Variants in GALNT13 observed in about 807,000 individuals in gnomAD.
GALNT13 encodes polypeptide N-acetylgalactosaminyltransferase 13, also known as UDP-GalNAc:polypeptide N-acetylgalactosaminyltransferase 13.
Under a neutral mutation model 64.2 loss-of-function variants are expected in GALNT13, and 28 were observed. The observed-to-expected ratio is 0.44, with a 90% confidence interval of 0.32 to 0.60. The LOEUF (loss-of-function observed/expected upper bound fraction) is 0.60. Among genes scored for constraint, GALNT13 ranks in the 20% least tolerant of loss-of-function variants. GALNT13 has a pLI of 0.05. For missense variants in GALNT13, 577 were observed against 669.8 expected, an observed-to-expected ratio of 0.86 and a Z score of 1.53; for synonymous variants, 214 against 224.6, an observed-to-expected ratio of 0.95 and a Z score of 0.42.
chr2:153,672,621 C>G, the GALNT13 span, among the ~76,000 whole-genome samples: 2 of 152,022 alleles, frequency 1.3e-5, no homozygotes, highest in South Asian at 4.2e-4. Context: ...AAATCAGCAC[C>G]CTAACATCAC....
At chr2:154,399,478 T>G (rs553479716) in intron 10 of GALNT13, among the ~76,000 whole-genome samples, 2 of 152,128 alleles carry the variant, frequency 1.3e-5, no homozygotes, top group Non-Finnish European at 2.9e-5. Context: ...GCAAATGATA[T>G]ATCCTCACAT....
chr2:153,269,804 C>T, the GALNT13 span, among the ~76,000 whole-genome samples: 1 of 152,094 alleles, frequency 6.6e-6, no homozygotes, highest in Non-Finnish European at 1.5e-5. Flanking sequence ...GAAACAAGTA[C>T]TTTCTTTACA....
chr2:153,120,663 G>A, the GALNT13 span, among the ~76,000 whole-genome samples: 1 of 152,102 alleles, frequency 6.6e-6, no homozygotes, highest in African/African-American at 2.4e-5. Flanking sequence ...CTGGAAATTA[G>A]TTTTTATCTT....
intron 9 of GALNT13, among the ~76,000 whole-genome samples, chr2:154,367,587 C>T (rs561580360): frequency 1.3e-5 from 2 of 152,196 alleles, no homozygotes; most frequent in South Asian, 2.1e-4. Context: ...TATAAAATAA[C>T]AATAGAATTG....
chr2:153,932,297 C>T (rs890372978), intron 2 of GALNT13, among the ~76,000 whole-genome samples: 2 of 151,646 alleles, frequency 1.3e-5, no homozygotes, highest in Non-Finnish European at 1.5e-5. Context: ...TAGTTTAGCT[C>T]TGTTTCTGGT....
the GALNT13 span, among the ~76,000 whole-genome samples, chr2:153,596,928 C>T: frequency 2.0e-5 from 3 of 151,894 alleles, no homozygotes; most frequent in East Asian, 1.9e-4. Flanking sequence ...GACTAAAAAA[C>T]AAATTGGGGT....
chr2:153,195,236 T>G, the GALNT13 span, among the ~76,000 whole-genome samples: 2 of 152,164 alleles, frequency 1.3e-5, no homozygotes, highest in Non-Finnish European at 2.9e-5. Context: ...TAAAAACCTC[T>G]GTGTCCCATG....
the GALNT13 span, among the ~76,000 whole-genome samples, chr2:153,455,198 ACTT>A: frequency 6.6e-6 from 1 of 152,168 alleles, no homozygotes; most frequent in Admixed American, 6.5e-5. Flanking sequence ...ATTCCAGTGA[ACTT>A]CTTCATATTA....
At chr2:153,967,786 G>A (rs1468369280) in intron 3 of GALNT13, among the ~76,000 whole-genome samples, 1 of 152,018 alleles carries the variant, frequency 6.6e-6, no homozygotes, top group Non-Finnish European at 1.5e-5. Flanking sequence ...AAGGCCCAAG[G>A]CTACTTTAGT....
chr2:153,851,986 C>T, the GALNT13 span, among the ~76,000 whole-genome samples: 3 of 151,940 alleles, frequency 2.0e-5, no homozygotes, highest in African/African-American at 7.3e-5. Context: ...GAAGGTGAGA[C>T]ATGATAAGTT....
intron 3 of GALNT13, among the ~76,000 whole-genome samples, chr2:153,969,012 A>G (rs1030800454): frequency 1.3e-5 from 2 of 151,948 alleles, no homozygotes; most frequent in African/African-American, 2.4e-5. Flanking sequence ...TTTTATTTAG[A>G]GTAATAATGA....
the GALNT13 span, among the ~76,000 whole-genome samples, chr2:153,412,417 A>G: frequency 2.3e-4 from 35 of 152,352 alleles, 1 homozygote; most frequent in South Asian, 4.1e-3. Context: ...CTTTTGTGGC[A>G]TCATAAGTGA....
chr2:153,570,625 G>A, the GALNT13 span, among the ~76,000 whole-genome samples: 92 of 152,178 alleles, frequency 6.0e-4, 1 homozygote, highest in South Asian at 0.019. Flanking sequence ...ATTTTGATTT[G>A]ATTTTTGAAT....
the GALNT13 span, among the ~76,000 whole-genome samples, chr2:153,855,389 A>G: frequency 6.6e-6 from 1 of 152,212 alleles, no homozygotes; most frequent in African/African-American, 2.4e-5. Flanking sequence ...TGAAAAATGG[A>G]CAAGGAAAAA....
At chr2:153,494,569 A>G in the GALNT13 span, among the ~76,000 whole-genome samples, 1 of 152,092 alleles carries the variant, frequency 6.6e-6, no homozygotes, top group Non-Finnish European at 1.5e-5. Flanking sequence ...GGAAAAGTGA[A>G]CATTTACCCT....
chr2:154,260,262 TTATC>T (rs1187140288), intron 8 of GALNT13, among the ~76,000 whole-genome samples: 1 of 152,174 alleles, frequency 6.6e-6, no homozygotes, highest in East Asian at 1.9e-4. Context: ...TTAGATGTAT[TTATC>T]TATGAAGTTT....
At chr2:153,103,776 C>T in the GALNT13 span, among the ~76,000 whole-genome samples, 834 of 152,338 alleles carry the variant, frequency 5.5e-3, 10 homozygotes, top group African/African-American at 0.019. Context: ...TTCATGACTG[C>T]ATCCCACATA....
At chr2:154,319,629 C>CA (rs1289092845) in intron 9 of GALNT13, among the ~76,000 whole-genome samples, 2 of 150,816 alleles carry the variant, frequency 1.3e-5, no homozygotes, top group Non-Finnish European at 1.5e-5. Context: ...CACACCACTG[C>CA]ACTCCAGCCT....
chr2:153,348,476 C>T, the GALNT13 span, among the ~76,000 whole-genome samples: 1 of 152,164 alleles, frequency 6.6e-6, no homozygotes, highest in Non-Finnish European at 1.5e-5. Context: ...ATTCATAAAG[C>T]TTCCCCATTT....
Sources: gnomAD v4.1 joint callset for allele counts (sites outside exome capture counted in the v4.1 genomes callset) on GRCh38, gnomAD v4.1.1 for gene constraint, MANE v1.5 for transcripts, NCBI Gene and HGNC (gene_info 2026-07-23, HGNC 2026-07-21) for gene names.